DDC: variants seen among roughly 807,000 people sequenced by gnomAD.
DDC encodes the protein aromatic-L-amino-acid decarboxylase.
In DDC, 43 loss-of-function variants were observed where a neutral mutation model predicts 60.0. The observed-to-expected ratio is 0.72, with a 90% confidence interval of 0.56 to 0.92. DDC has a LOEUF of 0.92. DDC is among the 40% of genes least tolerant of loss of function. The probability of loss-of-function intolerance (pLI) is 0.00; values close to 1 mark genes in which losing one functional copy is unlikely to be tolerated. For synonymous variants in DDC, 232 were observed against 234.6 expected, an observed-to-expected ratio of 0.99 and a Z score of 0.10; for missense variants, 573 against 620.2, an observed-to-expected ratio of 0.92 and a Z score of 0.81.
At chr7:50,535,641 C>T (rs1449079257) in intron 4 of DDC, among the ~76,000 whole-genome samples, 1 of 152,176 alleles carries the variant, frequency 6.6e-6, no homozygotes, top group African/African-American at 2.4e-5. Context: ...GATGAATTAG[C>T]GTTCACATTT....
intron 6 of DDC, among the ~76,000 whole-genome samples, chr7:50,516,729 A>G (rs1175298333): frequency 1.3e-5 from 2 of 152,198 alleles, no homozygotes; most frequent in South Asian, 4.1e-4. Context: ...AACCTCACTA[A>G]GAAACGAAAC....
chr7:50,507,484 G>A (rs1291992387), intron 6 of DDC, among the ~76,000 whole-genome samples: 1 of 152,080 alleles, frequency 6.6e-6, no homozygotes, highest in Non-Finnish European at 1.5e-5. Context: ...CACCCACCTC[G>A]GTCTCCCAAA....
chr7:50,505,403 G>C (rs2043365266), intron 6 of DDC, among the ~76,000 whole-genome samples: 1 of 152,216 alleles, frequency 6.6e-6, no homozygotes, highest in African/African-American at 2.4e-5. Flanking sequence ...ACAAGAGTGT[G>C]GAATAGAATT....
chr7:50,526,635 A>C (rs564699793), intron 6 of DDC, among the ~76,000 whole-genome samples: 1 of 152,236 alleles, frequency 6.6e-6, no homozygotes, highest in South Asian at 2.1e-4. Context: ...AACTACCTTG[A>C]GTGTAAATGA....
chr7:50,543,984 C>A lies in DDC; in HGVS notation c.102G>T (p.Glu34Asp). 6.2e-7 allele frequency: 1 copy of A among 1,614,204 alleles called. No individual in the cohort carries two copies. Among genetic ancestry groups the A allele is most frequent in the South Asian group, 1.1e-5 (1 of 91,086 alleles). Residue 34 changes from glutamate to aspartate, a missense_variant, in exon 2 of 15, where the codon GAG (glutamate) becomes GAT (aspartate). Glu to Asp is a conservative substitution (Grantham distance 45, BLOSUM62 2). Transcript: ENST00000444124. ...IEGRQVYPDV[E>D]PGYLRPLIPA... Reference sequence around the variant, plus strand: ...GGATCAGCGGCCGCAGGTACCCGGGCTCCACGTCAGGGTAGACCTGGCGTC... The same window carrying A: ...GGATCAGCGGCCGCAGGTACCCGGGATCCACGTCAGGGTAGACCTGGCGTC...
intron 9 of DDC, among the ~76,000 whole-genome samples, chr7:50,488,873 C>T (rs1026170447): frequency 2.6e-5 from 4 of 152,128 alleles, no homozygotes; most frequent in African/African-American, 4.8e-5. Flanking sequence ...CAAGAGGGCC[C>T]GAGATAGTAA....
At chr7:50,463,563 G>A (rs540512944) in intron 13 of DDC, 132 bp from the exon 14 acceptor site, 176 of 775,546 alleles carry the variant, frequency 2.3e-4, no homozygotes, top group Admixed American at 1.5e-3. Flanking sequence ...TCCCCCTTGC[G>A]TTTACGATGT....
At chr7:50,521,805 GA>G (rs1174943212) in intron 6 of DDC, among the ~76,000 whole-genome samples, 2 of 152,188 alleles carry the variant, frequency 1.3e-5, no homozygotes, top group East Asian at 3.9e-4. Flanking sequence ...CTTGATGAAT[GA>G]AAAACCTACT....
rs2043105584 is a variant in DDC at position 50,495,365 on chromosome 7, T to C, written c.929A>G (p.Asp310Gly). ...NPHKWLLVNF[D>G]CSAMWVKKRT... ...GGAAACTTACCACATGGCAGAACAG[T>C]CAAAATTCACCAATAGCCATTTGTG... is the stretch of plus-strand genomic sequence containing the variant. The change falls in exon 9 of 15, where the codon GAC becomes GGC. Residue 310 changes from aspartate (D) to glycine (G), a missense_variant. Asp to Gly is a moderately conservative substitution (Grantham distance 94, BLOSUM62 -1). Coordinates refer to ENST00000444124, the MANE Select transcript of DDC (RefSeq NM_001082971.2). 1 of 1,613,046 alleles carries C rather than the reference T, an allele frequency of 6.2e-7. No individual in the cohort carries two copies. The highest frequency in any genetic ancestry group is 8.5e-7 in the Non-Finnish European group (1 of 1,179,382).
chr7:50,471,255 G>T (rs887899775), intron 11 of DDC, among the ~76,000 whole-genome samples: 1 of 152,194 alleles, frequency 6.6e-6, no homozygotes, highest in Non-Finnish European at 1.5e-5. Context: ...AGCCTGGTAT[G>T]GTGGCACATG....
At chr7:50,494,987 G>C (rs756794229) in intron 9 of DDC, among the ~76,000 whole-genome samples, 6 of 152,096 alleles carry the variant, frequency 3.9e-5, no homozygotes, top group African/African-American at 1.4e-4. Context: ...TAAGCATTTG[G>C]ACTCAGATTG....
chr7:50,519,884 T>C (rs2153543707), intron 6 of DDC, among the ~76,000 whole-genome samples: 1 of 152,196 alleles, frequency 6.6e-6, no homozygotes, highest in East Asian at 1.9e-4. Context: ...CCTAATAACT[T>C]ATGGGGGAAA....
rs571331015 is a variant in DDC at position 50,460,028 on chromosome 7, C to T, written c.*19-1185G>A. Reference sequence around the variant, plus strand: ...CTGGGAAGTGAGGATCCCCTCTGCCCGGCCAGCTGCCCCGTCCGGGAAGGA... The same window carrying T: ...CTGGGAAGTGAGGATCCCCTCTGCCTGGCCAGCTGCCCCGTCCGGGAAGGA... On this transcript the variant is annotated intron_variant, in intron 14 of 14. Coordinates refer to ENST00000444124, the MANE Select transcript of DDC (RefSeq NM_001082971.2). 5.5e-5 allele frequency among the ~76,000 whole-genome samples: 8 copies of T among 144,220 alleles called. 1 individual carries two copies. Among genetic ancestry groups the T allele is most frequent in the African/African-American group, 1.1e-4 (4 of 37,606 alleles). 94.6% of individuals were successfully genotyped at this position (144,220 alleles called of 152,430 possible).
rs2044471042 is a variant in DDC, at chr7:50,537,880, C to T, written c.415G>A (p.Glu139Lys). 3.1e-6 allele frequency: 5 copies of T among 1,614,216 alleles called. No homozygotes were observed. The East Asian group carries it at 1.1e-4, about 36-fold the overall frequency. The change falls in exon 4 of 15, where the codon GAA (glutamate) becomes AAA (lysine). Residue 139 changes from glutamate (E) to lysine (K), a missense_variant. By Grantham distance (56) the Glu-to-Lys change is moderately conservative (BLOSUM62 1). Transcript: ENST00000444124. ...PKAFLNEKAG[E>K]GGGVIQGSAS... is the part of the protein sequence containing the mutation. Reference sequence around the variant, plus strand: ...CTTACCTGGATCACTCCTCCCCCTTCTCCAGCTTTCTCATTCAAAAATGCC... The same window carrying T: ...CTTACCTGGATCACTCCTCCCCCTTTTCCAGCTTTCTCATTCAAAAATGCC...
intron 6 of DDC, among the ~76,000 whole-genome samples, chr7:50,516,677 A>G (rs1378737510): frequency 6.6e-6 from 1 of 152,184 alleles, no homozygotes; most frequent in African/African-American, 2.4e-5. Flanking sequence ...TTGATAGACC[A>G]TTAGCAAGAT....
chr7:50,536,099 T>A (rs1046255645), intron 4 of DDC, among the ~76,000 whole-genome samples: 59 of 152,200 alleles, frequency 3.9e-4, no homozygotes, highest in Non-Finnish European at 1.8e-4. Context: ...CATGCCTCCC[T>A]CATAAGGAAT....
chr7:50,463,335 G>T lies in DDC; in HGVS notation c.1339C>A (p.Arg447Ser), dbSNP rs775312348. The T allele has an allele frequency of 6.2e-7, 1 of 1,614,236 alleles. No individual in the cohort carries two copies. The highest frequency in any genetic ancestry group is 8.5e-7 in the Non-Finnish European group (1 of 1,180,046). ...PCHLRDKFVL[R>S]FAICSRTVES... ...ACCGTGCGAGAACAGATGGCAAAGC[G>T]CAGGACAAACTTGTCCCTGAGGTGA... Residue 447 changes from arginine (R) to serine (S), a missense_variant, in exon 14 of 15, where the codon CGC (arginine) becomes AGC (serine). Physicochemically the swap from Arg to Ser is moderately radical, Grantham distance 110 (BLOSUM62 -1). Coordinates refer to ENST00000444124, the MANE Select transcript of DDC (RefSeq NM_001082971.2).
chr7:50,505,871 G>A (rs2043380501), intron 6 of DDC, among the ~76,000 whole-genome samples: 1 of 152,254 alleles, frequency 6.6e-6, no homozygotes, highest in South Asian at 2.1e-4. Flanking sequence ...GGGGCAGTCT[G>A]TTTAAATGTA....
intron 3 of DDC, among the ~76,000 whole-genome samples, chr7:50,538,634 C>T (rs951114831): frequency 2.6e-5 from 4 of 152,230 alleles, no homozygotes; most frequent in African/African-American, 9.6e-5. Flanking sequence ...CCAGCTCTAC[C>T]AGGAGCCTAT....
Sources: gnomAD v4.1 joint callset for allele counts (sites outside exome capture counted in the v4.1 genomes callset) on GRCh38, gnomAD v4.1.1 for gene constraint, MANE v1.5 for transcripts, NCBI Gene and HGNC (gene_info 2026-07-23, HGNC 2026-07-21) for gene names.